Variants in RLN3 observed in about 807,000 individuals in gnomAD.
RLN3 encodes relaxin-3.
RLN3 carries 13 observed loss-of-function variants against 10.2 expected under a neutral mutation model. That is an observed-to-expected ratio of 1.28 (90% CI 0.83 to 2.03). The LOEUF (loss-of-function observed/expected upper bound fraction) is 2.03, where lower values mean the gene tolerates loss of function less well. RLN3 is among the 30% of genes most tolerant of loss of function. The probability of loss-of-function intolerance (pLI) is 0.00; values close to 1 mark genes in which losing one functional copy is unlikely to be tolerated. For synonymous variants in RLN3, 56 were observed against 79.2 expected, an observed-to-expected ratio of 0.71 and a Z score of 1.56; for missense variants, 191 against 187.2, an observed-to-expected ratio of 1.02 and a Z score of -0.12.
In RLN3 at chr19:14,028,341, C is replaced by A; in HGVS notation, c.137C>A (p.Thr46Asn). 6.2e-7 allele frequency: 1 copy of A among 1,613,950 alleles called. No homozygotes were observed. Among genetic ancestry groups the A allele is most frequent in the Non-Finnish European group, 8.5e-7 (1 of 1,179,976 alleles). Reference sequence around the variant, plus strand: ...GAATTCATCCGAGCAGTCATCTTCACCTGCGGGGGCTCCCGGTGGAGACGA... The same window carrying A: ...GAATTCATCCGAGCAGTCATCTTCAACTGCGGGGGCTCCCGGTGGAGACGA... Reference protein sequence around the residue: ...GREFIRAVIFTCGGSRWRRSD... With the variant: ...GREFIRAVIFNCGGSRWRRSD... Residue 46 changes from threonine to asparagine, a missense_variant, in exon 1 of 2, where the codon ACC becomes AAC. Thr to Asn is a moderately conservative substitution (Grantham distance 65). Transcript: ENST00000431365.
At chr19:14,030,593 ACT>A in intron 1 of RLN3, 115 bp from the exon 2 acceptor site, 2 of 950,682 alleles carry the variant, frequency 2.1e-6, no homozygotes, top group East Asian at 2.4e-5. Flanking sequence ...TGGAATAAAA[ACT>A]CTGAACTATG....
chr19:14,031,498 T>C lies in RLN3; in HGVS notation c.*550T>C, dbSNP rs1431176588. On this transcript the variant is annotated 3_prime_UTR_variant, in exon 2 of 2. Transcript: ENST00000431365. ...TGGCAGGTGGCCCCCCTAGGAGAGC[T>C]CTGGGCACATTCGAATCTTCCCAAA... 6.9e-6 allele frequency: 2 copies of C among 291,140 alleles called. No individual in the cohort carries two copies. The highest frequency in any genetic ancestry group is 1.6e-4 in the East Asian group (2 of 12,798). The allele number at this position is 291,140 out of a possible 1,614,324, so 18.0% of individuals were successfully genotyped here.
intron 1 of RLN3, chr19:14,030,287 G>A (rs866485554): frequency 2.0e-5 from 14 of 702,608 alleles, no homozygotes; most frequent in African/African-American, 3.5e-5. Context: ...ACTTGCTCAC[G>A]ATTAGAGAAG....
chr19:14,028,356 G>A lies in RLN3; in HGVS notation c.152G>A (p.Arg51Gln), dbSNP rs755230403. 6.2e-6 allele frequency: 10 copies of A among 1,613,500 alleles called. 1 individual carries two copies. The highest frequency in any genetic ancestry group is 5.5e-5 in the South Asian group (5 of 91,010). Residue 51 changes from arginine to glutamine, a missense_variant, in exon 1 of 2, where the codon CGG becomes CAG. Coordinates refer to ENST00000431365, the MANE Select transcript of RLN3 (RefSeq NM_080864.4). ...RAVIFTCGGS[R>Q]WRRSDILAHE... Reference sequence around the variant, plus strand: ...GTCATCTTCACCTGCGGGGGCTCCCGGTGGAGACGATCAGACATCCTGGCC... The same window carrying A: ...GTCATCTTCACCTGCGGGGGCTCCCAGTGGAGACGATCAGACATCCTGGCC...
At chr19:14,030,592 A>G (rs1465044573) in intron 1 of RLN3, 118 bp from the exon 2 acceptor site, 1 of 947,796 alleles carries the variant, frequency 1.1e-6, no homozygotes, top group African/African-American at 1.6e-5. Flanking sequence ...GTGGAATAAA[A>G]ACTCTGAACT....
Position 14,030,937 on chromosome 19 carries a change from A to G in RLN3, c.418A>G (p.Ser140Gly). The part of the protein sequence containing the change: ...KWGCSKSEIS[S>G]LC ...GGGGTGTAGCAAAAGTGAAATCAGT[A>G]GCCTTTGCTAGTTTGAGGGCTGGGC... is the stretch of plus-strand genomic sequence containing the variant. Residue 140 changes from serine (S) to glycine (G), a missense_variant, in exon 2 of 2, where the codon AGC becomes GGC. Ser to Gly is a moderately conservative substitution (Grantham distance 56, BLOSUM62 0). Transcript: ENST00000431365. 1 of 1,561,860 alleles carries G rather than the reference A, an allele frequency of 6.4e-7. No individual in the cohort carries two copies. Among genetic ancestry groups the G allele is most frequent in the Non-Finnish European group, 8.7e-7 (1 of 1,151,916 alleles).
Position 14,028,435 on chromosome 19 carries a change from G to C in RLN3, c.190+41G>C. On this transcript the variant is annotated intron_variant, in intron 1 of 1. Coordinates refer to ENST00000431365, the MANE Select transcript of RLN3 (RefSeq NM_080864.4). ...GAGTGGATGTAGAAGGGGAACAGGT[G>C]GCTGGATGGGTCCCAGGAGCTAAGG... is the stretch of plus-strand genomic sequence containing the variant. 4 of 1,554,938 alleles carry C rather than the reference G, an allele frequency of 2.6e-6. No homozygotes were observed. The South Asian group carries it at 4.7e-5, about 18-fold the overall frequency.
In RLN3 at chr19:14,028,383, A is replaced by G. The variant is rs779619480; in HGVS notation, c.179A>G (p.His60Arg). ...TGGAGACGATCAGACATCCTGGCCC[A>G]CGAGGCTATGGGTGAGGCTGGGGAG... ...SRWRRSDILA[H>R]EAMGDTFPDA... The change falls in exon 1 of 2, where the codon CAC (histidine) becomes CGC (arginine). Residue 60 changes from histidine to arginine, a missense_variant. By Grantham distance (29) the His-to-Arg change is conservative. Transcript: ENST00000431365. 1.1e-5 allele frequency: 17 copies of G among 1,610,832 alleles called. No individual in the cohort carries two copies. Among genetic ancestry groups the G allele is most frequent in the Non-Finnish European group, 9.3e-6 (11 of 1,178,498 alleles).
chr19:14,029,479 A>G (rs1376647468), intron 1 of RLN3, among the ~76,000 whole-genome samples: 5 of 151,608 alleles, frequency 3.3e-5, no homozygotes, highest in Non-Finnish European at 7.4e-5. Flanking sequence ...CAGCCTCCCA[A>G]GTAGCTGGGA....
Position 14,028,226 on chromosome 19 carries a change from C to T in RLN3, c.22C>T (p.Leu8=). 1 of 1,602,450 alleles carries T rather than the reference C, an allele frequency of 6.2e-7. No individual in the cohort carries two copies. Among genetic ancestry groups the T allele is most frequent in the East Asian group, 2.2e-5 (1 of 44,700 alleles). Reference sequence around the variant, plus strand: ...CAGCATGGCCAGGTACATGCTGCTGCTGCTCCTGGCGGTATGGGTGCTGAC... The same window carrying T: ...CAGCATGGCCAGGTACATGCTGCTGTTGCTCCTGGCGGTATGGGTGCTGAC... MARYMLL[L]LLAVWVLTGE... Residue 8 remains leucine (L), a synonymous_variant, in exon 1 of 2, where the codon CTG becomes TTG. Transcript: ENST00000431365.
rs950166708 is a variant in RLN3, at chr19:14,031,306, C to G, written c.*358C>G. The stretch of plus-strand genomic sequence containing the variant: ...CTACCTAGGCTGGCCACACAGAGAC[C>G]CCTGCCCCCTTCCCAGTCCAAACTG... On this transcript the variant is annotated 3_prime_UTR_variant, in exon 2 of 2. Transcript: ENST00000431365. 7.8e-6 allele frequency: 2 copies of G among 255,154 alleles called. No homozygotes were observed. Among genetic ancestry groups the G allele is most frequent in the African/African-American group, 4.6e-5 (2 of 43,914 alleles). The allele number at this position is 255,154 out of a possible 1,614,324, so 15.8% of individuals were successfully genotyped here.
At position 14,031,278 on chromosome 19, in the gene RLN3, A is replaced by C. The variant is rs1599543690; in HGVS notation, c.*330A>C. The C allele has an allele frequency of 3.4e-6, 1 of 291,518 alleles. No individual in the cohort carries two copies. Among genetic ancestry groups the C allele is most frequent in the Non-Finnish European group, 6.4e-6 (1 of 156,048 alleles). 18.1% of individuals were successfully genotyped at this position (291,518 alleles called of 1,614,324 possible). On this transcript the variant is annotated 3_prime_UTR_variant, in exon 2 of 2. Coordinates refer to ENST00000431365, the MANE Select transcript of RLN3 (RefSeq NM_080864.4). ...ACTCCACTGCCACAACTGGGTCCCT[A>C]CTCTACCTAGGCTGGCCACACAGAG...
Position 14,028,349 on chromosome 19 carries a change from G to A in RLN3, c.145G>A (p.Gly49Ser), listed in dbSNP as rs1302907516. 2 of 1,613,714 alleles carry A rather than the reference G, an allele frequency of 1.2e-6. No homozygotes were observed. The highest frequency in any genetic ancestry group is 1.7e-6 in the Non-Finnish European group (2 of 1,179,906). ...FIRAVIFTCGGSRWRRSDILA... is the reference protein window; with the variant it reads ...FIRAVIFTCGSSRWRRSDILA... ...CCGAGCAGTCATCTTCACCTGCGGG[G>A]GCTCCCGGTGGAGACGATCAGACAT... The change falls in exon 1 of 2, where the codon GGC becomes AGC. Residue 49 changes from glycine to serine, a missense_variant. Transcript: ENST00000431365.
rs1451118330 is a variant in RLN3 at position 14,030,794 on chromosome 19, C to T, written c.275C>T (p.Ala92Val). The change falls in exon 2 of 2, where the codon GCC becomes GTC. Residue 92 changes from alanine (A) to valine (V), a missense_variant. Ala to Val is a moderately conservative substitution (Grantham distance 64). Transcript: ENST00000431365. ...GCCATGGGGTCCAGCGAGTGGCTGGCCCTGACCAAGTCACCCCAGGCCTTT... is the reference window on the plus strand; with the variant it reads ...GCCATGGGGTCCAGCGAGTGGCTGGTCCTGACCAAGTCACCCCAGGCCTTT... ...DEAMGSSEWL[A>V]LTKSPQAFYR... 27 of 1,614,020 alleles carry T rather than the reference C, an allele frequency of 1.7e-5. No individual in the cohort carries two copies. Among genetic ancestry groups the T allele is most frequent in the African/African-American group, 2.7e-5 (2 of 74,938 alleles).
In RLN3 at chr19:14,028,517, C is replaced by A. The variant is rs1975751118; in HGVS notation, c.190+123C>A. ...GGGTCCCTGTCCTGCCACATTCAGC[C>A]AGGGACACCTGCCCAGCCTTGAAAC... On this transcript the variant is annotated intron_variant, in intron 1 of 1. Coordinates refer to ENST00000431365, the MANE Select transcript of RLN3 (RefSeq NM_080864.4). The A allele has an allele frequency of 6.6e-5, 53 of 800,814 alleles. 1 individual carries two copies. In the South Asian group the frequency reaches 9.1e-4, roughly 14 times the overall value. 49.6% of individuals were successfully genotyped at this position (800,814 alleles called of 1,614,324 possible). A position where few individuals can be genotyped will look rare whatever the true frequency, so the allele number is the denominator to read the frequency against.
In RLN3 at chr19:14,030,713, A is replaced by G; in HGVS notation, c.194A>G (p.Asp65Gly). 1 of 1,614,018 alleles carries G rather than the reference A, an allele frequency of 6.2e-7. No homozygotes were observed. The highest frequency in any genetic ancestry group is 8.5e-7 in the Non-Finnish European group (1 of 1,179,854). Residue 65 changes from aspartate to glycine, a missense_variant, in exon 2 of 2, where the codon GAT (aspartate) becomes GGT (glycine). Coordinates refer to ENST00000431365, the MANE Select transcript of RLN3 (RefSeq NM_080864.4). ...TAACTCTGTTCATCTTTTGCAGGAG[A>G]TACCTTCCCGGATGCAGATGCTGAT... ...SDILAHEAMGDTFPDADADED... is the reference protein window; with the variant it reads ...SDILAHEAMGGTFPDADADED...
chr19:14,029,325 A>G lies in RLN3; in HGVS notation c.190+931A>G, dbSNP rs1190515505. 2.6e-5 allele frequency among the ~76,000 whole-genome samples: 4 copies of G among 152,048 alleles called. No individual in the cohort carries two copies. The South Asian group carries it at 8.3e-4, about 32-fold the overall frequency. ...ACTTGGATTCAGATAGTAGCTCTAC[A>G]ATGTAATAGTTGTGTGTTCATGTGC... On this transcript the variant is annotated intron_variant, in intron 1 of 1. Coordinates refer to ENST00000431365, the MANE Select transcript of RLN3 (RefSeq NM_080864.4).
Position 14,031,546 on chromosome 19 carries a change from A to C in RLN3, c.*598A>C. On this transcript the variant is annotated 3_prime_UTR_variant, in exon 2 of 2. Coordinates refer to ENST00000431365, the MANE Select transcript of RLN3 (RefSeq NM_080864.4). ...AAACTCCAATAATAAAAATTCGAAG[A>C]CTTTGGCAGAGAGTGTGTGTGTGTG... is the stretch of plus-strand genomic sequence containing the variant. 2.6e-6 allele frequency: 1 copy of C among 391,196 alleles called. No individual in the cohort carries two copies. Among genetic ancestry groups the C allele is most frequent in the Non-Finnish European group, 4.6e-6 (1 of 217,380 alleles). The allele number at this position is 391,196 out of a possible 1,614,324, so 24.2% of individuals were successfully genotyped here. A position where few individuals can be genotyped will look rare whatever the true frequency, so the allele number is the denominator to read the frequency against.
chr19:14,030,148 A>G, intron 1 of RLN3: 1 of 625,984 alleles, frequency 1.6e-6, no homozygotes, highest in Non-Finnish European at 2.8e-6. Flanking sequence ...AGTGCTCATC[A>G]TGTTCCAGAC....
Sources: gnomAD v4.1 joint callset for allele counts (sites outside exome capture counted in the v4.1 genomes callset) on GRCh38, gnomAD v4.1.1 for gene constraint, MANE v1.5 for transcripts, NCBI Gene and HGNC (gene_info 2026-07-23, HGNC 2026-07-21) for gene names.